Variants in KCNIP1 observed in about 807,000 individuals in gnomAD.
The protein encoded by KCNIP1 is potassium voltage-gated channel interacting protein 1.
A neutral mutation model predicts 33.0 loss-of-function variants in KCNIP1; 18 were observed. The ratio of observed to expected loss-of-function variants is 0.55; its 90% CI spans 0.38 to 0.81. The LOEUF (loss-of-function observed/expected upper bound fraction) is 0.81. KCNIP1 is among the 30% of genes least tolerant of loss of function. The pLI, the probability that KCNIP1 is intolerant of heterozygous loss-of-function variation, is 0.00. For synonymous variants in KCNIP1, 93 were observed against 98.3 expected (o/e 0.95, Z 0.32); for missense variants, 238 against 271.6 (o/e 0.88, Z 0.87).
intron 1 of KCNIP1, among the ~76,000 whole-genome samples, chr5:170,530,491 C>A (rs1233325826): frequency 6.6e-6 from 1 of 152,232 alleles, no homozygotes; most frequent in African/African-American, 2.4e-5. Context: ...ATGGGGCCCT[C>A]TGGCCCCCTC....
chr5:170,667,116 G>A (rs962319799), intron 1 of KCNIP1, among the ~76,000 whole-genome samples: 6 of 152,002 alleles, frequency 3.9e-5, no homozygotes, highest in African/African-American at 1.2e-4. Flanking sequence ...GTTTGAAACC[G>A]GCCTGACCAA....
intron 1 of KCNIP1, among the ~76,000 whole-genome samples, chr5:170,597,540 C>T (rs1758484608): frequency 6.6e-6 from 1 of 151,940 alleles, no homozygotes; most frequent in Non-Finnish European, 1.5e-5. Flanking sequence ...TGAGATAAAT[C>T]TGGGAGATGA....
intron 1 of KCNIP1, among the ~76,000 whole-genome samples, chr5:170,522,327 G>A (rs546464123): frequency 6.1e-4 from 93 of 152,228 alleles, no homozygotes; most frequent in Non-Finnish European, 1.1e-3. Context: ...TTAAACATTT[G>A]AGTGGTTCCA....
chr5:170,689,841 G>A lies in KCNIP1; in HGVS notation c.62-28917G>A, dbSNP rs988133318. Among the ~76,000 whole-genome samples, 8 of 152,300 alleles carry A rather than the reference G, an allele frequency of 5.3e-5. No homozygotes were observed. In the East Asian group the frequency reaches 1.2e-3, roughly 22 times the overall value. On this transcript the variant is annotated intron_variant, in intron 1 of 7. Coordinates refer to ENST00000328939, the MANE Select transcript of KCNIP1 (RefSeq NM_014592.4). ...GACAATAATGCCCATCAGGCCAGGA[G>A]CCCCCTTTCTGGATTCGCTGCTTCC...
At chr5:170,391,433 C>A (rs1000329384) in intron 1 of KCNIP1, among the ~76,000 whole-genome samples, 1 of 152,200 alleles carries the variant, frequency 6.6e-6, no homozygotes, top group Non-Finnish European at 1.5e-5. Context: ...GAGCCACAAC[C>A]AAAAGGCATT....
rs141699725 is a variant in KCNIP1, at chr5:170,659,055, C to T, written c.62-59703C>T. Among the ~76,000 whole-genome samples, 405 of 152,288 alleles carry T rather than the reference C, an allele frequency of 2.7e-3. 2 individuals carry two copies. The highest frequency in any genetic ancestry group is 9.3e-3 in the African/African-American group (386 of 41,552). Reference sequence around the variant, plus strand: ...AAGCATTGAGACACGTACTGAGGGACTCTTTTCCTAGCCTCTCAGTCCTGA... The same window carrying T: ...AAGCATTGAGACACGTACTGAGGGATTCTTTTCCTAGCCTCTCAGTCCTGA... On this transcript the variant is annotated intron_variant, in intron 1 of 7. Coordinates refer to ENST00000328939, the MANE Select transcript of KCNIP1 (RefSeq NM_014592.4).
chr5:170,664,165 T>A (rs1457824125), intron 1 of KCNIP1, among the ~76,000 whole-genome samples: 2 of 152,124 alleles, frequency 1.3e-5, no homozygotes, highest in Non-Finnish European at 2.9e-5. Context: ...GTTCTGGCCA[T>A]CAAACCAATG....
At position 170,700,814 on chromosome 5, in the gene KCNIP1, T is replaced by G. The variant is rs78616385; in HGVS notation, c.62-17944T>G. 9.2e-3 allele frequency among the ~76,000 whole-genome samples: 1,398 copies of G among 152,292 alleles called. 29 individuals carry two copies. The highest frequency in any genetic ancestry group is 0.031 in the African/African-American group (1,294 of 41,562). On this transcript the variant is annotated intron_variant, in intron 1 of 7. Coordinates refer to ENST00000328939, the MANE Select transcript of KCNIP1 (RefSeq NM_014592.4). The stretch of plus-strand genomic sequence containing the variant: ...GCAATGCCAGTCACATAGTCCTACC[T>G]AATTTCAAAAGGGTAAAAGGTACAC...
At chr5:170,560,294 A>C (rs1409776674) in intron 1 of KCNIP1, among the ~76,000 whole-genome samples, 2 of 152,130 alleles carry the variant, frequency 1.3e-5, no homozygotes, top group Non-Finnish European at 2.9e-5. Flanking sequence ...CATGCCCAGC[A>C]CCTGTTACCT....
chr5:170,553,847 C>T (rs189031595), intron 1 of KCNIP1, among the ~76,000 whole-genome samples: 44 of 152,330 alleles, frequency 2.9e-4, no homozygotes, highest in Admixed American at 1.0e-3. Context: ...GTTGAGTGAA[C>T]GGATGGATAG....
intron 1 of KCNIP1, among the ~76,000 whole-genome samples, chr5:170,652,498 A>AAAGGAAGGAAGGAAGG (rs1554107877): frequency 2.4e-4 from 25 of 103,054 alleles, no homozygotes; most frequent in African/African-American, 9.0e-4. Context: ...AAAAAAAAAA[A>AAAGGAAGGAAGGAAGG]AAGGAAGGAA....
chr5:170,512,109 A>G (rs1233427522), intron 1 of KCNIP1, among the ~76,000 whole-genome samples: 1 of 152,162 alleles, frequency 6.6e-6, no homozygotes. Flanking sequence ...CAATTAGCAA[A>G]TTCATTAATA....
At chr5:170,434,942 G>T (rs540930066) in intron 1 of KCNIP1, among the ~76,000 whole-genome samples, 76 of 152,316 alleles carry the variant, frequency 5.0e-4, no homozygotes, top group African/African-American at 1.6e-3. Context: ...GCGACAGAGC[G>T]AGACTCCATC....
At chr5:170,388,818 A>G (rs1296994535) in intron 1 of KCNIP1, among the ~76,000 whole-genome samples, 10 of 152,246 alleles carry the variant, frequency 6.6e-5, no homozygotes, top group Admixed American at 6.5e-4. Flanking sequence ...CAAATGCCAT[A>G]TTGAGTATCA....
intron 1 of KCNIP1, among the ~76,000 whole-genome samples, chr5:170,646,138 G>C (rs1045741899): frequency 6.6e-6 from 1 of 152,156 alleles, no homozygotes; most frequent in Non-Finnish European, 1.5e-5. Context: ...GGCTCAGATA[G>C]GCTGATTGGT....
intron 1 of KCNIP1, among the ~76,000 whole-genome samples, chr5:170,440,428 G>C (rs1416581873): frequency 6.6e-6 from 1 of 152,198 alleles, no homozygotes; most frequent in African/African-American, 2.4e-5. Context: ...CAAAACTGAG[G>C]ATGCTGAGGA....
intron 1 of KCNIP1, among the ~76,000 whole-genome samples, chr5:170,361,538 T>C (rs910485877): frequency 2.0e-5 from 3 of 152,116 alleles, no homozygotes; most frequent in Admixed American, 2.0e-4. Context: ...CAGACCTGGG[T>C]TTGAGTCCAA....
intron 1 of KCNIP1, among the ~76,000 whole-genome samples, chr5:170,493,148 G>T (rs1029710608): frequency 3.9e-5 from 6 of 152,172 alleles, no homozygotes; most frequent in Admixed American, 3.9e-4. Flanking sequence ...GGTTTCTGTG[G>T]TAGAAAGTTT....
intron 1 of KCNIP1, among the ~76,000 whole-genome samples, chr5:170,629,678 G>GC (rs1759976373): frequency 6.6e-6 from 1 of 152,206 alleles, no homozygotes; most frequent in South Asian, 2.1e-4. Context: ...TTCAGGCCTG[G>GC]CCCTGACGCC....
Sources: gnomAD v4.1 joint callset for allele counts (sites outside exome capture counted in the v4.1 genomes callset) on GRCh38, gnomAD v4.1.1 for gene constraint, MANE v1.5 for transcripts, NCBI Gene and HGNC (gene_info 2026-07-23, HGNC 2026-07-21) for gene names.